BTBD16: variants seen among roughly 807,000 people sequenced by gnomAD.
The protein encoded by BTBD16 is BTB domain containing 16, also known as BTB/POZ domain-containing protein 16.
Under a neutral mutation model 67.4 loss-of-function variants are expected in BTBD16, and 66 were observed. The observed-to-expected ratio is 0.98, with a 90% CI of 0.80 to 1.20. The LOEUF (loss-of-function observed/expected upper bound fraction) is 1.20, where lower values mean the gene tolerates loss of function less well. BTBD16 is among the 50% of genes most tolerant of loss of function. The pLI is 0.00. For synonymous variants in BTBD16, 242 were observed against 236.4 expected (o/e 1.02, Z -0.22); for missense variants, 634 against 616.0 (o/e 1.03, Z -0.31).
At chr10:122,328,351 C>T (rs925763761) in intron 10 of BTBD16, among the ~76,000 whole-genome samples, 4 of 152,180 alleles carry the variant, frequency 2.6e-5, no homozygotes, top group African/African-American at 9.7e-5. Context: ...CCTCCAGAGA[C>T]AGGCACAGGG....
At chr10:122,309,348 T>C (rs2096409363) in intron 10 of BTBD16, among the ~76,000 whole-genome samples, 1 of 147,182 alleles carries the variant, frequency 6.8e-6, no homozygotes, top group Admixed American at 6.9e-5. Flanking sequence ...TGGTTTTTGT[T>C]TTTGTTTTTT....
At chr10:122,278,392 C>G (rs1254086163) in intron 3 of BTBD16, among the ~76,000 whole-genome samples, 3 of 152,182 alleles carry the variant, frequency 2.0e-5, no homozygotes, top group African/African-American at 7.2e-5. Context: ...GTTTCCTCAT[C>G]TTTCAAATGG....
In BTBD16 at chr10:122,299,072, G is replaced by C; in HGVS notation, c.729G>C (p.Gly243=). ...AAATGAACTTGGTTCCTCTAGGGGG[G>C]ACGCAGATCCACCTCCACAAAATCC... ...WLEMNLVPLG[G]TQIHLHKIPQ... is the part of the protein sequence containing the mutation. Residue 243 remains glycine, a synonymous_variant, in exon 9 of 16, where the codon GGG becomes GGC. Coordinates refer to ENST00000260723, the MANE Select transcript of BTBD16 (RefSeq NM_144587.5). 1 of 1,614,036 alleles carries C rather than the reference G, an allele frequency of 6.2e-7. No homozygotes were observed. Among genetic ancestry groups the C allele is most frequent in the Admixed American group, 1.7e-5 (1 of 59,996 alleles).
chr10:122,298,555 C>G (rs571881784), intron 8 of BTBD16, among the ~76,000 whole-genome samples: 1 of 152,302 alleles, frequency 6.6e-6, no homozygotes, highest in East Asian at 1.9e-4. Flanking sequence ...CCCTTCAATT[C>G]CTGCTTTTTG....
intron 4 of BTBD16, among the ~76,000 whole-genome samples, chr10:122,285,286 T>A (rs2096361470): frequency 6.6e-6 from 1 of 152,212 alleles, no homozygotes; most frequent in Non-Finnish European, 1.5e-5. Flanking sequence ...GAGCCTCACC[T>A]GGCCTGGCAT....
chr10:122,279,947 T>C (rs1003530179), intron 3 of BTBD16, among the ~76,000 whole-genome samples: 3 of 152,136 alleles, frequency 2.0e-5, no homozygotes, highest in Admixed American at 2.0e-4. Flanking sequence ...TTCGGGTATG[T>C]AATTGTGCCC....
At chr10:122,325,162 G>A (rs769050929) in intron 10 of BTBD16, among the ~76,000 whole-genome samples, 5 of 152,260 alleles carry the variant, frequency 3.3e-5, no homozygotes, top group Non-Finnish European at 5.9e-5. Flanking sequence ...TAGAAGATAA[G>A]TTGTGGGTGA....
intron 7 of BTBD16, chr10:122,295,558 A>G (rs2142073711): frequency 1.0e-6 from 1 of 982,964 alleles, no homozygotes; most frequent in Non-Finnish European, 1.2e-6. Context: ...GGGAGGCTGC[A>G]GGGCAGGGAG....
At chr10:122,281,675 C>T (rs1412322430) in intron 3 of BTBD16, among the ~76,000 whole-genome samples, 1 of 152,188 alleles carries the variant, frequency 6.6e-6, no homozygotes, top group Non-Finnish European at 1.5e-5. Flanking sequence ...TTATTCCAAA[C>T]ATTCACTCTT....
chr10:122,286,358 G>A (rs1181221420), intron 5 of BTBD16, 110 bp downstream of exon 5: 4 of 1,440,514 alleles, frequency 2.8e-6, no homozygotes, highest in Admixed American at 2.4e-5. Context: ...TAGCAGTCAA[G>A]AGTAAGGCTC....
intron 10 of BTBD16, among the ~76,000 whole-genome samples, chr10:122,321,951 A>G (rs561881961): frequency 5.6e-4 from 85 of 152,192 alleles, no homozygotes; most frequent in African/African-American, 1.9e-3. Flanking sequence ...GGATTTTTAT[A>G]GTTTTAGGCC....
chr10:122,278,124 A>G (rs2096344822), intron 3 of BTBD16, among the ~76,000 whole-genome samples: 1 of 152,174 alleles, frequency 6.6e-6, no homozygotes, highest in African/African-American at 2.4e-5. Flanking sequence ...CCAGGGATGC[A>G]GGTGCTGGAG....
chr10:122,304,929 CT>C (rs1228999180), intron 9 of BTBD16, among the ~76,000 whole-genome samples: 1 of 152,090 alleles, frequency 6.6e-6, no homozygotes, highest in Non-Finnish European at 1.5e-5. Context: ...GGCTCTGGAG[CT>C]AGGACCTGAC....
chr10:122,306,412 C>A (rs572340695), intron 9 of BTBD16, among the ~76,000 whole-genome samples: 2 of 152,374 alleles, frequency 1.3e-5, no homozygotes, highest in South Asian at 4.1e-4. Flanking sequence ...CATCCACTCA[C>A]CTCATCCACT....
At chr10:122,297,174 T>G (rs2096384856) in intron 7 of BTBD16, among the ~76,000 whole-genome samples, 1 of 152,262 alleles carries the variant, frequency 6.6e-6, no homozygotes, top group African/African-American at 2.4e-5. Flanking sequence ...GAAAGTTGAC[T>G]TAACATGTCA....
intron 10 of BTBD16, among the ~76,000 whole-genome samples, chr10:122,325,027 TGAAAA>T (rs1473037444): frequency 6.6e-6 from 1 of 152,060 alleles, no homozygotes; most frequent in Non-Finnish European, 1.5e-5. Flanking sequence ...TTGGTCTCAG[TGAAAA>T]GCTGATAGGT....
chr10:122,295,279 G>C (rs74949254), intron 7 of BTBD16: 28,660 of 983,986 alleles, frequency 0.029, 809 homozygotes, highest in East Asian at 0.23. Context: ...TGCTGGACCT[G>C]AGCCTGGAAG....
chr10:122,272,012 C>T (rs147546512), intron 1 of BTBD16, among the ~76,000 whole-genome samples: 17 of 152,136 alleles, frequency 1.1e-4, no homozygotes, highest in Non-Finnish European at 1.8e-4. Flanking sequence ...CTTAAGGCCA[C>T]GTTGAGGATT....
Position 122,329,553 on chromosome 10 carries a change from C to A in BTBD16, c.985C>A (p.Leu329Met). Residue 329 changes from leucine to methionine, a missense_variant, in exon 11 of 16, where the codon CTG becomes ATG. Leu to Met is a conservative substitution (Grantham distance 15, BLOSUM62 2). Coordinates refer to ENST00000260723, the MANE Select transcript of BTBD16 (RefSeq NM_144587.5). ...SLRPLFLCLR[L>M]HGITKGKDLE... ...GAGGCCGCTCTTCCTCTGCTTGCGT[C>A]TGCACGGCATCACCAAAGGTAAGCC... 6.2e-7 allele frequency: 1 copy of A among 1,613,940 alleles called. No homozygotes were observed. The highest frequency in any genetic ancestry group is 8.5e-7 in the Non-Finnish European group (1 of 1,180,034).
Sources: gnomAD v4.1 joint callset for allele counts (sites outside exome capture counted in the v4.1 genomes callset) on GRCh38, gnomAD v4.1.1 for gene constraint, MANE v1.5 for transcripts, NCBI Gene and HGNC (gene_info 2026-07-23, HGNC 2026-07-21) for gene names.